The following PDE1C variants were observed in gnomAD, a reference collection of about 807,000 sequenced individuals.
PDE1C encodes the protein dual specificity calcium/calmodulin-dependent 3',5'-cyclic nucleotide phosphodiesterase 1C.
PDE1C carries 62 observed loss-of-function variants against 93.1 expected under a neutral mutation model. The observed-to-expected ratio is 0.67, with a 90% CI of 0.54 to 0.82. The LOEUF (loss-of-function observed/expected upper bound fraction) is 0.82. PDE1C is among the 40% of genes least tolerant of loss of function. The pLI, the probability that PDE1C is intolerant of heterozygous loss-of-function variation, is 0.00. For missense variants in PDE1C, 742 were observed against 884.6 expected, an observed-to-expected ratio of 0.84 and a Z score of 2.04; for synonymous variants, 325 against 310.1, an observed-to-expected ratio of 1.05 and a Z score of -0.50.
At chr7:31,918,667 T>C (rs1380764196) in intron 2 of PDE1C, among the ~76,000 whole-genome samples, 1 of 152,230 alleles carries the variant, frequency 6.6e-6, no homozygotes, top group Non-Finnish European at 1.5e-5. Flanking sequence ...CAGTTACTAG[T>C]CCATATCATT....
At chr7:32,075,757 G>C (rs1260924513), upstream of PDE1C, among the ~76,000 whole-genome samples, 1 of 152,018 alleles carries the variant, frequency 6.6e-6, no homozygotes, top group African/African-American at 2.4e-5. Flanking sequence ...GCAGCTCAGG[G>C]GCAGCCCGAT....
Position 31,837,208 on chromosome 7 carries a change from A to G in PDE1C, c.1175T>C (p.Met392Thr), listed in dbSNP as rs1791224700. Residue 392 changes from methionine to threonine, a missense_variant, in exon 11 of 18, where the codon ATG (methionine) becomes ACG (threonine). By Grantham distance (81) the Met-to-Thr change is moderately conservative. Coordinates refer to ENST00000396191, the MANE Select transcript of PDE1C (RefSeq NM_001191057.4). ...TCTGAAGAACTCCTCCAGGAGTGACATTGTCCAGCGATGATGGAGGTCCCA... is the reference window on the plus strand; with the variant it reads ...TCTGAAGAACTCCTCCAGGAGTGACGTTGTCCAGCGATGATGGAGGTCCCA... The part of the protein sequence containing the change: ...KAWDLHHRWT[M>T]SLLEEFFRQG... 7 of 1,613,630 alleles carry G rather than the reference A, an allele frequency of 4.3e-6. No individual in the cohort carries two copies. Among genetic ancestry groups the G allele is most frequent in the Non-Finnish European group, 5.1e-6 (6 of 1,179,764 alleles).
chr7:32,427,673 C>A (rs1785562067), intron 1 of PDE1C, among the ~76,000 whole-genome samples: 1 of 152,216 alleles, frequency 6.6e-6, no homozygotes, highest in African/African-American at 2.4e-5. Flanking sequence ...TCCTATTCAA[C>A]CCAGAAATCA....
intron 1 of PDE1C, among the ~76,000 whole-genome samples, chr7:32,282,022 C>T (rs978811861): frequency 9.9e-5 from 15 of 151,692 alleles, no homozygotes; most frequent in South Asian, 4.2e-4. Context: ...GGGTAGGGGA[C>T]GGGGAGAGAT....
At chr7:31,666,838 A>T in the PDE1C span, among the ~76,000 whole-genome samples, 1 of 151,976 alleles carries the variant, frequency 6.6e-6, no homozygotes, top group Non-Finnish European at 1.5e-5. Flanking sequence ...TCTTTACCAG[A>T]TGTATGTTGT....
the PDE1C span, chr7:31,653,082 C>T: frequency 1.2e-5 from 10 of 845,988 alleles, no homozygotes; most frequent in Non-Finnish European, 1.6e-5. Flanking sequence ...CGGTCTCTGC[C>T]CTGCTAGAAC....
the PDE1C span, among the ~76,000 whole-genome samples, chr7:31,665,155 T>G: frequency 6.6e-6 from 1 of 152,220 alleles, no homozygotes; most frequent in African/African-American, 2.4e-5. Context: ...AAGCTCATTC[T>G]CCTGCCAGGG....
At chr7:31,681,995 G>A in the PDE1C span, among the ~76,000 whole-genome samples, 1 of 152,140 alleles carries the variant, frequency 6.6e-6, no homozygotes, top group Non-Finnish European at 1.5e-5. Flanking sequence ...TTTGGAGTCT[G>A]GTCAGTGGTT....
chr7:32,212,131 G>A (rs531282535), intron 1 of PDE1C, among the ~76,000 whole-genome samples: 4 of 152,094 alleles, frequency 2.6e-5, no homozygotes, highest in Admixed American at 2.6e-4. Context: ...TTTTAAAATG[G>A]GATTACAAAG....
the PDE1C span, chr7:31,658,670 T>C: frequency 5.4e-6 from 1 of 184,932 alleles, no homozygotes; most frequent in Admixed American, 5.8e-5. Context: ...AGCCAAAATA[T>C]GGACGGCACC....
intron 1 of PDE1C, among the ~76,000 whole-genome samples, chr7:32,412,455 CAAA>C (rs34753013): frequency 9.4e-5 from 8 of 85,506 alleles, no homozygotes; most frequent in Admixed American, 2.6e-4. Flanking sequence ...GACCCTGTCT[CAAA>C]AAAAAAAAAA....
intron 1 of PDE1C, among the ~76,000 whole-genome samples, chr7:32,403,198 GC>G (rs1367343690): frequency 3.4e-5 from 1 of 29,114 alleles, no homozygotes; most frequent in East Asian, 0.01. Flanking sequence ...CTCTAACAGG[GC>G]AACTAAATTA....
chr7:31,880,678 T>C, intron 3 of PDE1C, 69 bp downstream of exon 3: 1 of 907,462 alleles, frequency 1.1e-6, no homozygotes, highest in South Asian at 1.5e-5. Context: ...TGGGGGACAA[T>C]TTCAGAAAAG....
chr7:31,747,574 G>A (rs1281887745), downstream of PDE1C, among the ~76,000 whole-genome samples: 2 of 152,110 alleles, frequency 1.3e-5, no homozygotes, highest in Non-Finnish European at 1.5e-5. Flanking sequence ...CATTGCAGTA[G>A]AGAAAGAGTT....
chr7:31,826,305 T>C (rs1045660428), intron 12 of PDE1C, among the ~76,000 whole-genome samples: 1 of 152,168 alleles, frequency 6.6e-6, no homozygotes. Flanking sequence ...TACAATGTAA[T>C]TGACAAAACA....
chr7:32,329,184 A>G (rs1268201131), intron 1 of PDE1C, among the ~76,000 whole-genome samples: 1 of 152,214 alleles, frequency 6.6e-6, no homozygotes, highest in East Asian at 1.9e-4. Context: ...GTAAGCTGTG[A>G]TCATGCCACT....
intron 1 of PDE1C, among the ~76,000 whole-genome samples, chr7:32,389,157 C>CGTGTGTGTGTGT (rs575896243): frequency 0.16 from 21,260 of 134,614 alleles, 2,073 homozygotes; most frequent in Admixed American, 0.19. Flanking sequence ...TGATAGCTGA[C>CGTGTGTGTGTGT]GTGTGTGTGT....
chr7:32,389,582 T>G (rs1486878961), intron 1 of PDE1C, among the ~76,000 whole-genome samples: 1 of 152,140 alleles, frequency 6.6e-6, no homozygotes, highest in East Asian at 1.9e-4. Flanking sequence ...ATGCACCAAG[T>G]TCAAGTCAAT....
At chr7:31,966,864 G>C (rs1261218601) in intron 2 of PDE1C, among the ~76,000 whole-genome samples, 2 of 152,076 alleles carry the variant, frequency 1.3e-5, no homozygotes, top group Non-Finnish European at 2.9e-5. Context: ...TGACTACTGG[G>C]TACATAATGA....
Sources: allele counts gnomAD v4.1 joint callset (sites outside exome capture counted in the v4.1 genomes callset), GRCh38; gene constraint gnomAD v4.1.1; transcripts MANE v1.5; gene names NCBI Gene and HGNC (gene_info 2026-07-23, HGNC 2026-07-21).